Variants in NCAM2 observed in about 807,000 individuals in gnomAD.
NCAM2 encodes the protein N-CAM-2.
In NCAM2, 30 loss-of-function variants were observed where a neutral mutation model predicts 98.1. The observed-to-expected ratio is 0.31, with a 90% CI of 0.23 to 0.41. The LOEUF (loss-of-function observed/expected upper bound fraction) is 0.41, where lower values mean the gene tolerates loss of function less well. NCAM2 is among the 10% of genes least tolerant of loss of function. The probability of loss-of-function intolerance (pLI) is 1.00; values close to 1 mark genes in which losing one functional copy is unlikely to be tolerated. For synonymous variants in NCAM2, 368 were observed against 342.4 expected, an observed-to-expected ratio of 1.07 and a Z score of -0.83; for missense variants, 867 against 1,005.8, an observed-to-expected ratio of 0.86 and a Z score of 1.87.
At chr21:21,318,797 G>T (rs1601959987) in intron 5 of NCAM2, among the ~76,000 whole-genome samples, 2 of 152,234 alleles carry the variant, frequency 1.3e-5, no homozygotes, top group South Asian at 2.1e-4. Context: ...TTGCCCAATA[G>T]TGTATCCACA....
At chr21:21,389,583 C>T (rs949247056) in intron 9 of NCAM2, among the ~76,000 whole-genome samples, 1 of 152,132 alleles carries the variant, frequency 6.6e-6, no homozygotes, top group African/African-American at 2.4e-5. Context: ...CTTCATTTTT[C>T]CCTGCTCAAT....
chr21:21,395,101 G>A (rs1300443032), intron 9 of NCAM2, among the ~76,000 whole-genome samples: 3 of 152,148 alleles, frequency 2.0e-5, no homozygotes, highest in African/African-American at 4.8e-5. Flanking sequence ...GCAGGCCGAG[G>A]TAGGTGGATC....
intron 1 of NCAM2, among the ~76,000 whole-genome samples, chr21:21,199,401 T>G (rs1188782552): frequency 2.0e-5 from 3 of 152,102 alleles, no homozygotes; most frequent in African/African-American, 7.2e-5. Context: ...TTCGGACTTG[T>G]GTGGCTCAGA....
chr21:21,323,079 T>G (rs2074419522), intron 5 of NCAM2, among the ~76,000 whole-genome samples: 2 of 152,132 alleles, frequency 1.3e-5, no homozygotes, highest in Admixed American at 1.3e-4. Context: ...TTTACTGTAA[T>G]AAAAAGAGTA....
intron 16 of NCAM2, among the ~76,000 whole-genome samples, chr21:21,530,724 A>G (rs1989645422): frequency 6.6e-6 from 1 of 151,900 alleles, no homozygotes; most frequent in African/African-American, 2.4e-5. Flanking sequence ...TAGATATAAT[A>G]AAGTATTTCT....
intron 1 of NCAM2, among the ~76,000 whole-genome samples, chr21:21,191,456 T>C (rs1336719506): frequency 6.6e-6 from 1 of 152,202 alleles, no homozygotes; most frequent in African/African-American, 2.4e-5. Flanking sequence ...GTATTTCTTT[T>C]CTTAGCACAA....
At chr21:21,071,915 CT>C (rs1371724142) in intron 1 of NCAM2, among the ~76,000 whole-genome samples, 39 of 115,560 alleles carry the variant, frequency 3.4e-4, no homozygotes, top group African/African-American at 1.1e-3. Flanking sequence ...ATCTATCTAT[CT>C]ATCTATATTT....
chr21:21,489,776 A>G lies in NCAM2; in HGVS notation c.2077+12305A>G, dbSNP rs1986695609. Among the ~76,000 whole-genome samples the G allele has an allele frequency of 3.9e-5, 6 of 152,112 alleles. No individual in the cohort carries two copies. The South Asian group carries it at 1.2e-3, about 32-fold the overall frequency. ...CATTAATATTTGATAGTTAAACATA[A>G]TATTCAGAATATATTTCCACAGTAA... On this transcript the variant is annotated intron_variant, in intron 15 of 17. Coordinates refer to ENST00000400546, the MANE Select transcript of NCAM2 (RefSeq NM_004540.5).
At chr21:21,372,996 A>C (rs1334192367) in intron 8 of NCAM2, among the ~76,000 whole-genome samples, 1 of 151,844 alleles carries the variant, frequency 6.6e-6, no homozygotes, top group East Asian at 1.9e-4. Context: ...TTTGCTTTGC[A>C]TTATTAATAA....
chr21:21,375,319 T>G (rs957834388), intron 9 of NCAM2, among the ~76,000 whole-genome samples: 1 of 150,952 alleles, frequency 6.6e-6, no homozygotes, highest in African/African-American at 2.4e-5. Context: ...TGGAATTTAC[T>G]AAACTTCGTA....
At chr21:21,300,178 T>C (rs1205997633) in intron 5 of NCAM2, among the ~76,000 whole-genome samples, 3 of 151,792 alleles carry the variant, frequency 2.0e-5, no homozygotes, top group African/African-American at 7.3e-5. Flanking sequence ...AAGGATATGG[T>C]GCAGCCAGAA....
chr21:21,364,994 G>A (rs951293875), intron 8 of NCAM2, among the ~76,000 whole-genome samples: 1 of 152,090 alleles, frequency 6.6e-6, no homozygotes, highest in African/African-American at 2.4e-5. Flanking sequence ...CTCCATTATT[G>A]CTCAAGCCTA....
chr21:21,162,456 A>C (rs58129792), intron 1 of NCAM2, among the ~76,000 whole-genome samples: 3,821 of 152,180 alleles, frequency 0.025, 173 homozygotes, highest in African/African-American at 0.087. Context: ...TGTGCTTAAA[A>C]CTTTGTTTAA....
At position 21,098,990 on chromosome 21, in the gene NCAM2, A is replaced by C. The variant is rs75956596; in HGVS notation, c.55+100372A>C. On this transcript the variant is annotated intron_variant, in intron 1 of 17. Transcript: ENST00000400546. ...CTTATAAAAAGCTAAGAATCAAATG[A>C]GGAAACCAAGTCCAGGTGATATGAC... 1.4e-3 allele frequency among the ~76,000 whole-genome samples: 208 copies of C among 151,950 alleles called. 2 individuals carry two copies. In the East Asian group the frequency reaches 0.029, roughly 21 times the overall value.
chr21:21,106,314 C>CAAAAAAAAAAAAAAAA (rs202018731), intron 1 of NCAM2, among the ~76,000 whole-genome samples: 2,023 of 102,856 alleles, frequency 0.02, 69 homozygotes, highest in African/African-American at 0.034. Context: ...GTCTCAAAAG[C>CAAAAAAAAAAAAAAAA]AAAAAAAAAA....
intron 6 of NCAM2, among the ~76,000 whole-genome samples, chr21:21,328,696 T>G (rs2074588666): frequency 6.6e-6 from 1 of 152,068 alleles, no homozygotes; most frequent in African/African-American, 2.4e-5. Context: ...CTTTGAGCTG[T>G]TATTAAAAAA....
At chr21:21,051,371 C>T (rs984452381) in intron 1 of NCAM2, among the ~76,000 whole-genome samples, 1 of 152,204 alleles carries the variant, frequency 6.6e-6, no homozygotes, top group African/African-American at 2.4e-5. Flanking sequence ...AAGGACACTT[C>T]TTATAAACAT....
At position 21,477,483 on chromosome 21, in the gene NCAM2, T is replaced by C; in HGVS notation, c.2077+12T>C. On this transcript the variant is annotated intron_variant, in intron 15 of 17. Transcript: ENST00000400546. ...CAACATTATTAAAGGTAAGCAAAAC[T>C]ATATTCTTTTTTAGACTGAACAATA... 6.4e-7 allele frequency: 1 copy of C among 1,566,784 alleles called. No homozygotes were observed. The highest frequency in any genetic ancestry group is 8.7e-7 in the Non-Finnish European group (1 of 1,150,502).
intron 1 of NCAM2, among the ~76,000 whole-genome samples, chr21:21,049,597 C>T (rs1269118472): frequency 6.6e-5 from 10 of 151,794 alleles, no homozygotes; most frequent in African/African-American, 9.7e-5. Flanking sequence ...GTTAGCCAGG[C>T]GTGGGGGCTC....
Sources: allele counts gnomAD v4.1 joint callset (sites outside exome capture counted in the v4.1 genomes callset), GRCh38; gene constraint gnomAD v4.1.1; transcripts MANE v1.5; gene names NCBI Gene and HGNC (gene_info 2026-07-23, HGNC 2026-07-21).